AZU1: variants seen among roughly 807,000 people sequenced by gnomAD.
AZU1 encodes the protein azurocidin 1, also known as azurocidin.
Under a neutral mutation model 17.8 loss-of-function variants are expected in AZU1, and 21 were observed. The ratio of observed to expected loss-of-function variants is 1.18; its 90% CI spans 0.84 to 1.70. AZU1 has a LOEUF of 1.70. Ranked by LOEUF, AZU1 falls within the 40% of genes most tolerant of loss-of-function variation. The pLI is 0.00. For missense variants in AZU1, 379 were observed against 362.9 expected (o/e 1.04, Z -0.36); for synonymous variants, 178 against 155.2 (o/e 1.15, Z -1.09).
In AZU1 at chr19:828,365, C is replaced by T. The variant is rs746878090; in HGVS notation, c.194C>T (p.Ala65Val). The change falls in exon 2 of 5, where the codon GCG becomes GTG. Residue 65 changes from alanine to valine, a missense_variant. Transcript: ENST00000233997. ...ATCCATGCCCGCTTCGTGATGACCG[C>T]GGCCAGCTGCTTCCAAAGCCAGTGA... Reference protein sequence around the residue: ...ALIHARFVMTAASCFQSQNPG... With the variant: ...ALIHARFVMTVASCFQSQNPG... 2.7e-5 allele frequency: 43 copies of T among 1,589,476 alleles called. No homozygotes were observed. The highest frequency in any genetic ancestry group is 4.6e-5 in the East Asian group (2 of 43,648).
chr19:830,308 G>T (rs1009120678), intron 3 of AZU1, among the ~76,000 whole-genome samples: 8 of 152,110 alleles, frequency 5.3e-5, no homozygotes, highest in Non-Finnish European at 8.8e-5. Flanking sequence ...ATGTACCACG[G>T]TTCGCGTATG....
At chr19:827,939 G>A in intron 1 of AZU1, 35 bp downstream of exon 1, 2 of 1,535,642 alleles carry the variant, frequency 1.3e-6, no homozygotes, top group African/African-American at 1.4e-5. Flanking sequence ...TCCCCCATCT[G>A]TGCTAGGGCC....
At chr19:830,450 A>T (rs947911492) in intron 3 of AZU1, among the ~76,000 whole-genome samples, 19 of 152,198 alleles carry the variant, frequency 1.2e-4, no homozygotes, top group African/African-American at 3.4e-4. Context: ...TCATTAAAAA[A>T]TTTAAAAAAG....
Position 830,697 on chromosome 19 carries a change from T to C in AZU1, c.361-11T>C. 1 of 1,547,436 alleles carries C rather than the reference T, an allele frequency of 6.5e-7. No homozygotes were observed. On this transcript the variant is annotated splice_polypyrimidine_tract_variant and intron_variant, in intron 3 of 4. Coordinates refer to ENST00000233997, the MANE Select transcript of AZU1 (RefSeq NM_001700.5). ...AGGGCCACCCTCCCCTGACTCCATTTCCTTCCCCAGCTGGACCGTGAGGCC... is the reference window on the plus strand; with the variant it reads ...AGGGCCACCCTCCCCTGACTCCATTCCCTTCCCCAGCTGGACCGTGAGGCC...
intron 1 of AZU1, 90 bp from the exon 2 acceptor site, chr19:828,140 G>T (rs1473560728): frequency 1.1e-5 from 16 of 1,453,268 alleles, no homozygotes; most frequent in Non-Finnish European, 1.5e-5. Flanking sequence ...AGCCCCACTG[G>T]GTGGATAGAG....
chr19:829,822 C>T (rs1050473987), intron 3 of AZU1, 116 bp downstream of exon 3: 82 of 1,392,540 alleles, frequency 5.9e-5, no homozygotes, highest in Middle Eastern at 1.8e-4. Context: ...GGAGTGGTGG[C>T]GCGCACCTGT....
chr19:830,670 C>T (rs2145101654), intron 3 of AZU1, 38 bp from the exon 4 acceptor site: 1 of 1,509,322 alleles, frequency 6.6e-7, no homozygotes, highest in South Asian at 1.3e-5. Flanking sequence ...GCTCCAGTCC[C>T]CAGGGCCACC....
At position 831,027 on chromosome 19, in the gene AZU1, G is replaced by A. The variant is rs762276684; in HGVS notation, c.594+86G>A. ...AGAAAGCAAGTGCAGGCTGAGGGCG[G>A]CACAGCAGGGGGGCCCCAGGATTGA... is the stretch of plus-strand genomic sequence containing the variant. On this transcript the variant is annotated intron_variant, in intron 4 of 4. Coordinates refer to ENST00000233997, the MANE Select transcript of AZU1 (RefSeq NM_001700.5). The A allele has an allele frequency of 2.2e-5, 30 of 1,368,936 alleles. No homozygotes were observed. In the African/African-American group the frequency reaches 3.0e-4, roughly 14 times the overall value. 84.8% of individuals were successfully genotyped at this position (1,368,936 alleles called of 1,614,324 possible). A position where few individuals can be genotyped will look rare whatever the true frequency, so the allele number is the denominator to read the frequency against.
rs1315349923 is a variant in AZU1, at chr19:830,751, C to T, written c.404C>T (p.Pro135Leu). The change falls in exon 4 of 5, where the codon CCA becomes CTA. Residue 135 changes from proline (P) to leucine (L), a missense_variant. By Grantham distance (98) the Pro-to-Leu change is moderately conservative (BLOSUM62 -3). Coordinates refer to ENST00000233997, the MANE Select transcript of AZU1 (RefSeq NM_001700.5). ...CTCACCAGCAGCGTGACGATACTGCCACTGCCTCTGCAGAACGCCACGGTG... is the reference window on the plus strand; with the variant it reads ...CTCACCAGCAGCGTGACGATACTGCTACTGCCTCTGCAGAACGCCACGGTG... ...ANLTSSVTIL[P>L]LPLQNATVEA... is the part of the protein sequence containing the mutation. 2 of 1,600,158 alleles carry T rather than the reference C, an allele frequency of 1.2e-6. No homozygotes were observed. The highest frequency in any genetic ancestry group is 1.7e-6 in the Non-Finnish European group (2 of 1,177,890).
rs770770108 is a variant in AZU1 at position 831,701 on chromosome 19, C to T, written c.595-15C>T. On this transcript the variant is annotated splice_polypyrimidine_tract_variant and intron_variant, in intron 4 of 4. Coordinates refer to ENST00000233997, the MANE Select transcript of AZU1 (RefSeq NM_001700.5). ...CAGGCCCTGGGACGCCCTGACACAGCTGCTGCCTGCCCAGGGGGACGGGGG... is the reference window on the plus strand; with the variant it reads ...CAGGCCCTGGGACGCCCTGACACAGTTGCTGCCTGCCCAGGGGGACGGGGG... 3.2e-6 allele frequency: 5 copies of T among 1,585,682 alleles called. No homozygotes were observed. The highest frequency in any genetic ancestry group is 4.3e-6 in the Non-Finnish European group (5 of 1,167,448).
At position 831,517 on chromosome 19, in the gene AZU1, G is replaced by C. The variant is rs552040439; in HGVS notation, c.595-199G>C. On this transcript the variant is annotated intron_variant, in intron 4 of 4. Transcript: ENST00000233997. The stretch of plus-strand genomic sequence containing the variant: ...GAGGGGCACCTGGCCCAGCCTGGAG[G>C]TGCCAGGAAGCTCCAGAAAGCAACT... 755 of 603,190 alleles carry C rather than the reference G, an allele frequency of 1.3e-3. 3 individuals are homozygous for C. The highest frequency in any genetic ancestry group is 1.8e-3 in the Non-Finnish European group (650 of 360,056). 37.4% of individuals were successfully genotyped at this position (603,190 alleles called of 1,614,324 possible). A position where few individuals can be genotyped will look rare whatever the true frequency, so the allele number is the denominator to read the frequency against.
chr19:831,811 C>G lies in AZU1; in HGVS notation c.690C>G (p.Thr230=), dbSNP rs588442. 1 of 1,612,716 alleles carries G rather than the reference C, an allele frequency of 6.2e-7. No individual in the cohort carries two copies. The highest frequency in any genetic ancestry group is 8.5e-7 in the Non-Finnish European group (1 of 1,179,820). Residue 230 remains threonine, a synonymous_variant, in exon 5 of 5, where the codon ACC becomes ACG. Coordinates refer to ENST00000233997, the MANE Select transcript of AZU1 (RefSeq NM_001700.5). ...GTGGCCGAGGCCCTGACTTCTTCACCCGAGTGGCGCTCTTCCGAGACTGGA... is the reference window on the plus strand; with the variant it reads ...GTGGCCGAGGCCCTGACTTCTTCACGCGAGTGGCGCTCTTCCGAGACTGGA... ...GPCGRGPDFF[T]RVALFRDWID...
In AZU1 at chr19:828,237, C is replaced by A. The variant is rs2035238560; in HGVS notation, c.66C>A (p.Ser22Arg). 6.2e-7 allele frequency: 1 copy of A among 1,604,814 alleles called. No homozygotes were observed. The highest frequency in any genetic ancestry group is 1.3e-5 in the African/African-American group (1 of 74,458). Residue 22 changes from serine to arginine, a missense_variant, in exon 2 of 5, where the codon AGC becomes AGA. Transcript: ENST00000233997. ...GLLASSRAGS[S>R]PLLDIVGGRK... ...TGTCTCCCCCCGACCCAGGCTCCAGCCCCCTTTTGGACATCGTTGGCGGCC... is the reference window on the plus strand; with the variant it reads ...TGTCTCCCCCCGACCCAGGCTCCAGACCCCTTTTGGACATCGTTGGCGGCC...
At position 831,827 on chromosome 19, in the gene AZU1, C is replaced by T. The variant is rs112572343; in HGVS notation, c.706C>T (p.Arg236Ter). Residue 236 changes from arginine (R) to a stop codon, truncating the protein, a stop_gained, in exon 5 of 5, where the codon CGA (arginine) becomes TGA (stop). Transcript: ENST00000233997. LOFTEE classifies it low-confidence loss of function (END_TRUNC). ...PDFFTRVALF[R>*]DWIDGVLNNP... ...CTTCTTCACCCGAGTGGCGCTCTTCCGAGACTGGATCGATGGTGTTCTCAA... is the reference window on the plus strand; with the variant it reads ...CTTCTTCACCCGAGTGGCGCTCTTCTGAGACTGGATCGATGGTGTTCTCAA... The T allele has an allele frequency of 8.7e-5, 140 of 1,612,824 alleles. No individual in the cohort carries two copies. Among genetic ancestry groups the T allele is most frequent in the Non-Finnish European group, 1.1e-4 (131 of 1,179,842 alleles).
intron 2 of AZU1, among the ~76,000 whole-genome samples, chr19:828,929 T>C (rs1326968838): frequency 2.0e-4 from 13 of 63,758 alleles, no homozygotes; most frequent in African/African-American, 3.9e-4. Context: ...ATGGAGGAGG[T>C]GCGGAGAAGG....
chr19:828,288 G>A lies in AZU1; in HGVS notation c.117G>A (p.Pro39=), dbSNP rs746644189. ...GGRKARPRQF[P]FLASIQNQGR... is the part of the protein sequence containing the mutation. The stretch of plus-strand genomic sequence containing the variant: ...GGAAGGCGAGGCCCCGCCAGTTCCC[G>A]TTCCTGGCCTCCATTCAGAATCAAG... The change falls in exon 2 of 5, where the codon CCG becomes CCA. Residue 39 remains proline (P), a synonymous_variant. Coordinates refer to ENST00000233997, the MANE Select transcript of AZU1 (RefSeq NM_001700.5). The A allele has an allele frequency of 5.0e-6, 8 of 1,611,658 alleles. No individual in the cohort carries two copies. The highest frequency in any genetic ancestry group is 2.2e-5 in the South Asian group (2 of 90,954).
chr19:830,595 A>G lies in AZU1; in HGVS notation c.361-113A>G, dbSNP rs1159598891. 3.1e-6 allele frequency: 3 copies of G among 973,046 alleles called. No homozygotes were observed. In the African/African-American group the frequency reaches 5.0e-5, roughly 16 times the overall value. 60.3% of individuals were successfully genotyped at this position (973,046 alleles called of 1,614,324 possible). On this transcript the variant is annotated intron_variant, in intron 3 of 4. Transcript: ENST00000233997. ...GCACCCGGCCCCTGCCGGGAATTAA[A>G]CGCAAACCACTTACAGACTACAGTT...
chr19:828,033 G>A (rs922459741), intron 1 of AZU1, 129 bp downstream of exon 1: 23 of 1,414,458 alleles, frequency 1.6e-5, no homozygotes, highest in Middle Eastern at 1.9e-4. Flanking sequence ...CGGCCTGGAC[G>A]ATCCCGCGAA....
At chr19:831,626 G>T (rs753534487) in intron 4 of AZU1, 90 bp from the exon 5 acceptor site, 27 of 1,372,230 alleles carry the variant, frequency 2.0e-5, no homozygotes, top group Non-Finnish European at 2.5e-5. Context: ...AGGACTTGTA[G>T]GTTCCAGGGG....
Sources: gnomAD v4.1 joint callset for allele counts (sites outside exome capture counted in the v4.1 genomes callset) on GRCh38, gnomAD v4.1.1 for gene constraint, MANE v1.5 for transcripts, NCBI Gene and HGNC (gene_info 2026-07-23, HGNC 2026-07-21) for gene names.